RNF115: variants seen among roughly 807,000 people sequenced by gnomAD.
RNF115 encodes the protein ring finger protein 115, also known as E3 ubiquitin-protein ligase RNF115.
A neutral mutation model predicts 39.2 loss-of-function variants in RNF115; 31 were observed. That is an observed-to-expected ratio of 0.79 (90% CI 0.59 to 1.07). The LOEUF (loss-of-function observed/expected upper bound fraction) is 1.07, where lower values mean the gene tolerates loss of function less well. Among genes scored for constraint, RNF115 ranks in the 50% least tolerant of loss-of-function variants. The probability of loss-of-function intolerance (pLI) is 0.00; values close to 1 mark genes in which losing one functional copy is unlikely to be tolerated. For synonymous variants in RNF115, 124 were observed against 131.0 expected, an observed-to-expected ratio of 0.95 and a Z score of 0.37; for missense variants, 384 against 381.7, an observed-to-expected ratio of 1.01 and a Z score of -0.05.
chr1:145,776,339 T>C (rs1647886434), intron 3 of RNF115, among the ~76,000 whole-genome samples: 1 of 151,576 alleles, frequency 6.6e-6, no homozygotes, highest in South Asian at 2.1e-4. Context: ...TAATTTTTTA[T>C]TTTCAGTAGA....
chr1:145,751,504 C>A lies in RNF115; in HGVS notation c.507G>T (p.Gly169=), dbSNP rs1553712478. 1 of 1,596,612 alleles carries A rather than the reference C, an allele frequency of 6.3e-7. No individual in the cohort carries two copies. Among genetic ancestry groups the A allele is most frequent in the Non-Finnish European group, 8.5e-7 (1 of 1,170,594 alleles). ...AGTCCCCAGGGTTGGAGTGCAGCATCCCGCTCCTATACGTGAGATGAGATA... is the reference window on the plus strand; with the variant it reads ...AGTCCCCAGGGTTGGAGTGCAGCATACCGCTCCTATACGTGAGATGAGATA... ...PGSPHPFSWS[G]MLHSNPGDYA... is the part of the protein sequence containing the mutation. Residue 169 remains glycine (G), a synonymous_variant, in exon 6 of 9, where the codon GGG becomes GGT. Transcript: ENST00000582693.
At position 145,745,920 on chromosome 1, in the gene RNF115, G is replaced by C. The variant is rs1657857158; in HGVS notation, c.*946C>G. The C allele has an allele frequency of 6.6e-6, 1 of 151,484 alleles. No individual in the cohort carries two copies. The highest frequency in any genetic ancestry group is 1.5e-5 in the Non-Finnish European group (1 of 67,912). 9.4% of individuals were successfully genotyped at this position (151,484 alleles called of 1,614,324 possible). A position where few individuals can be genotyped will look rare whatever the true frequency, so the allele number is the denominator to read the frequency against. Reference sequence around the variant, plus strand: ...TTCTTGGGAAACTGCATCAACTGAAGTAGTCTTTAAAAATTAAAATAAGAG... The same window carrying C: ...TTCTTGGGAAACTGCATCAACTGAACTAGTCTTTAAAAATTAAAATAAGAG... On this transcript the variant is annotated 3_prime_UTR_variant, in exon 9 of 9. Transcript: ENST00000582693.
intron 4 of RNF115, among the ~76,000 whole-genome samples, chr1:145,765,399 C>T (rs898339909): frequency 2.7e-5 from 4 of 148,616 alleles, no homozygotes; most frequent in Non-Finnish European, 4.5e-5. Context: ...CTGCGAGAAA[C>T]ACCCAAGAAT....
rs115976101 is a variant in RNF115, at chr1:145,769,785, G to A, written c.428+1926C>T. On this transcript the variant is annotated intron_variant, in intron 4 of 8. Transcript: ENST00000582693. ...TAAAAAAAAAAAAAAAAAAGATAAG[G>A]AACAAATCAACTCCAATAATGTGTT... Among the ~76,000 whole-genome samples, 618 of 133,600 alleles carry A rather than the reference G, an allele frequency of 4.6e-3. 5 individuals are homozygous for A. Among genetic ancestry groups the A allele is most frequent in the African/African-American group, 0.017 (592 of 35,226 alleles). 87.6% of individuals were successfully genotyped at this position (133,600 alleles called of 152,430 possible). A position where few individuals can be genotyped will look rare whatever the true frequency, so the allele number is the denominator to read the frequency against.
At position 145,806,211 on chromosome 1, in the gene RNF115, T is replaced by C. The variant is rs782119751; in HGVS notation, c.103-17245A>G. On this transcript the variant is annotated intron_variant, in intron 1 of 8. Coordinates refer to ENST00000582693, the MANE Select transcript of RNF115 (RefSeq NM_014455.4). ...AAAAATACAAAAATTAGCTGGGCAT[T>C]GTGGCCCACACCTGTAATCCCAGCT... Among the ~76,000 whole-genome samples the C allele has an allele frequency of 1.7e-4, 26 of 152,006 alleles. 1 individual carries two copies. Among genetic ancestry groups the C allele is most frequent in the Non-Finnish European group, 2.9e-4 (20 of 67,982 alleles).
intron 1 of RNF115, among the ~76,000 whole-genome samples, chr1:145,807,267 C>A (rs1364694138): frequency 6.6e-6 from 1 of 152,142 alleles, no homozygotes; most frequent in Non-Finnish European, 1.5e-5. Context: ...AATAGATATA[C>A]TTCTGGAAAC....
chr1:145,755,321 T>A (rs371218060), intron 4 of RNF115, among the ~76,000 whole-genome samples: 1 of 151,880 alleles, frequency 6.6e-6, no homozygotes, highest in Non-Finnish European at 1.5e-5. Context: ...GAGAGTGCCA[T>A]ATCAAGCAGT....
At chr1:145,766,634 C>T (rs587759375) in intron 4 of RNF115, among the ~76,000 whole-genome samples, 1 of 149,286 alleles carries the variant, frequency 6.7e-6, no homozygotes, top group Non-Finnish European at 1.5e-5. Flanking sequence ...CTGACCCCCC[C>T]ACCTCCCTCC....
chr1:145,803,058 C>T (rs1247534954), intron 1 of RNF115, among the ~76,000 whole-genome samples: 3 of 152,158 alleles, frequency 2.0e-5, no homozygotes, highest in African/African-American at 7.2e-5. Flanking sequence ...CAAATACTGT[C>T]CTCACTGACT....
chr1:145,779,966 G>C (rs1648050546), intron 3 of RNF115, among the ~76,000 whole-genome samples: 1 of 150,556 alleles, frequency 6.6e-6, no homozygotes, highest in African/African-American at 2.4e-5. Flanking sequence ...GGTGACTCAA[G>C]CCCGTAATCC....
Position 145,741,321 on chromosome 1 carries a change from ATGTATAAAACCT to A in RNF115, c.*5533_*5544del, listed in dbSNP as rs1269924070. On this transcript the variant is annotated 3_prime_UTR_variant, in exon 9 of 9. Transcript: ENST00000582693. ...TGTGGCAGGAAAACATAAAGTTTGC[ATGTATAAAACCT>A]TAAAAGTTGAATGCCTACAATGTAC... is the stretch of plus-strand genomic sequence containing the variant. 2 of 152,226 alleles carry A rather than the reference ATGTATAAAACCT, an allele frequency of 1.3e-5. No individual in the cohort carries two copies. The highest frequency in any genetic ancestry group is 4.8e-5 in the African/African-American group (2 of 41,452). The allele number at this position is 152,226 out of a possible 1,614,324, so 9.4% of individuals were successfully genotyped here.
rs1553711804 is a variant in RNF115, at chr1:145,746,840, C to A, written c.*26G>T. ...AGCTATGGTAAGATGATTACCACAG[C>A]CCTGATTCAGGTGTGGTCTTTAGCT... On this transcript the variant is annotated 3_prime_UTR_variant, in exon 9 of 9. Transcript: ENST00000582693. 3.1e-6 allele frequency: 5 copies of A among 1,611,612 alleles called. No homozygotes were observed. In the South Asian group the frequency reaches 5.5e-5, roughly 18 times the overall value.
At position 145,742,263 on chromosome 1, in the gene RNF115, GGAGA is replaced by G. The variant is rs1657713678; in HGVS notation, c.*4599_*4602del. ...TGAGGGAATAGCACCTGGAAACCAG[GGAGA>G]AAGAAGCTGAAGCATGCAGGTCATG... On this transcript the variant is annotated 3_prime_UTR_variant, in exon 9 of 9. Coordinates refer to ENST00000582693, the MANE Select transcript of RNF115 (RefSeq NM_014455.4). The G allele has an allele frequency of 6.6e-6, 1 of 152,078 alleles. No homozygotes were observed. The highest frequency in any genetic ancestry group is 1.5e-5 in the Non-Finnish European group (1 of 68,012). 9.4% of individuals were successfully genotyped at this position (152,078 alleles called of 1,614,324 possible).
At chr1:145,781,585 A>G (rs1197601808) in intron 3 of RNF115, among the ~76,000 whole-genome samples, 1 of 152,204 alleles carries the variant, frequency 6.6e-6, no homozygotes, top group Non-Finnish European at 1.5e-5. Flanking sequence ...TGGTAGGCAC[A>G]TTGCGGTCTA....
chr1:145,748,243 T>TA (rs1289634295), intron 7 of RNF115, 133 bp from the exon 8 acceptor site: 16 of 624,866 alleles, frequency 2.6e-5, no homozygotes, highest in South Asian at 1.8e-4. Flanking sequence ...TACACCCAAG[T>TA]AGCAGGCAGC....
intron 3 of RNF115, among the ~76,000 whole-genome samples, chr1:145,777,371 T>C (rs10752832): frequency 0.47 from 71,326 of 151,972 alleles, 17,106 homozygotes; most frequent in East Asian, 0.7. Flanking sequence ...GGATCCATGC[T>C]TAAAAACAGC....
At chr1:145,773,973 G>A (rs587747922) in intron 3 of RNF115, 3 of 152,256 alleles carry the variant, frequency 2.0e-5, no homozygotes, top group Non-Finnish European at 2.9e-5. Context: ...ACCAGGAAGG[G>A]AGGTGAGGCT....
At chr1:145,752,833 A>C (rs1263229267) in intron 5 of RNF115, 145 bp downstream of exon 5, 23 of 560,160 alleles carry the variant, frequency 4.1e-5, no homozygotes, top group Non-Finnish European at 6.7e-5. Flanking sequence ...GTGATCCGCC[A>C]GCCTCGGCCT....
In RNF115 at chr1:145,743,818, T is replaced by G. The variant is rs1435184560; in HGVS notation, c.*3048A>C. The G allele has an allele frequency of 2.0e-5, 3 of 146,860 alleles. No individual in the cohort carries two copies. The highest frequency in any genetic ancestry group is 4.5e-5 in the Non-Finnish European group (3 of 66,604). The allele number at this position is 146,860 out of a possible 1,614,324, so 9.1% of individuals were successfully genotyped here. A position where few individuals can be genotyped will look rare whatever the true frequency, so the allele number is the denominator to read the frequency against. On this transcript the variant is annotated 3_prime_UTR_variant, in exon 9 of 9. Transcript: ENST00000582693. The stretch of plus-strand genomic sequence containing the variant: ...AATAAATAAATAAATAAATAAATAA[T>G]AATAATAATAATAATAAATCCCTGA...
Sources: allele counts gnomAD v4.1 joint callset (sites outside exome capture counted in the v4.1 genomes callset), GRCh38; gene constraint gnomAD v4.1.1; transcripts MANE v1.5; gene names NCBI Gene and HGNC (gene_info 2026-07-23, HGNC 2026-07-21).